Variants in MYBPC1 observed in about 807,000 individuals in gnomAD.
MYBPC1 encodes the protein myosin binding protein C1, also known as myosin-binding protein C, slow-type.
A neutral mutation model predicts 147.1 loss-of-function variants in MYBPC1; 52 were observed. The observed-to-expected ratio is 0.35, with a 90% CI of 0.28 to 0.45. The LOEUF (loss-of-function observed/expected upper bound fraction) is 0.45, where lower values mean the gene tolerates loss of function less well. MYBPC1 is among the 20% of genes least tolerant of loss of function. The probability of loss-of-function intolerance (pLI) is 1.00; values close to 1 mark genes in which losing one functional copy is unlikely to be tolerated. For synonymous variants in MYBPC1, 477 were observed against 475.9 expected (o/e 1.00, Z -0.03); for missense variants, 1,228 against 1,440.3 (o/e 0.85, Z 2.39).
chr12:101,675,724 C>A (rs1899816194), intron 26 of MYBPC1, among the ~76,000 whole-genome samples: 1 of 152,180 alleles, frequency 6.6e-6, no homozygotes, highest in South Asian at 2.1e-4. Context: ...TTGATTATTA[C>A]AAAGCTAAAA....
At position 101,678,085 on chromosome 12, in the gene MYBPC1, T is replaced by C; in HGVS notation, c.3110-17T>C. ...AATTTACATAATTTTAACATATTTGTAATGCTTGTTTTTAAGGTAAAATCT... is the reference window on the plus strand; with the variant it reads ...AATTTACATAATTTTAACATATTTGCAATGCTTGTTTTTAAGGTAAAATCT... On this transcript the variant is annotated splice_polypyrimidine_tract_variant and intron_variant, in intron 27 of 31. Transcript: ENST00000361466. The C allele has an allele frequency of 6.2e-7, 1 of 1,608,940 alleles. No individual in the cohort carries two copies. The highest frequency in any genetic ancestry group is 8.5e-7 in the Non-Finnish European group (1 of 1,175,298).
chr12:101,619,104 G>T (rs825090), intron 3 of MYBPC1, among the ~76,000 whole-genome samples: 54,244 of 151,748 alleles, frequency 0.36, 10,140 homozygotes, highest in East Asian at 0.57. Context: ...CTGCTACTTG[G>T]ATATCCCCAG....
intron 7 of MYBPC1, 131 bp downstream of exon 7, chr12:101,631,850 C>A: frequency 7.0e-7 from 1 of 1,420,970 alleles, no homozygotes; most frequent in Non-Finnish European, 9.9e-7. Flanking sequence ...ATTGCAGTGT[C>A]TACACTCTAT....
At position 101,685,640 on chromosome 12, in the gene MYBPC1, G is replaced by A. The variant is rs2764; in HGVS notation, c.*78G>A. 0.55 allele frequency: 842,235 copies of A among 1,532,276 alleles called. 234,173 individuals are homozygous for A. The highest frequency in any genetic ancestry group is 0.66 in the South Asian group (55,286 of 83,884). 94.9% of individuals were successfully genotyped at this position (1,532,276 alleles called of 1,614,324 possible). A position where few individuals can be genotyped will look rare whatever the true frequency, so the allele number is the denominator to read the frequency against. On this transcript the variant is annotated 3_prime_UTR_variant, in exon 32 of 32. Transcript: ENST00000361466. The stretch of plus-strand genomic sequence containing the variant: ...GCGTACCTCCAAACATAATTGATTC[G>A]TATCTGCGAGACTTACACTCAAGCA...
At chr12:101,657,625 C>T (rs1895764360) in intron 18 of MYBPC1, among the ~76,000 whole-genome samples, 1 of 152,126 alleles carries the variant, frequency 6.6e-6, no homozygotes, top group Admixed American at 6.5e-5. Context: ...AAGATACAAT[C>T]TTCTAAAACT....
At chr12:101,601,519 A>G (rs1349562362) in intron 1 of MYBPC1, among the ~76,000 whole-genome samples, 4 of 152,210 alleles carry the variant, frequency 2.6e-5, no homozygotes, top group Admixed American at 2.6e-4. Context: ...ATTCAATCTC[A>G]CACTTATTTC....
chr12:101,654,191 G>C (rs907151407), intron 18 of MYBPC1, among the ~76,000 whole-genome samples: 1 of 152,182 alleles, frequency 6.6e-6, no homozygotes, highest in African/African-American at 2.4e-5. Flanking sequence ...GGGTGACAGA[G>C]TGAGACTCTA....
chr12:101,652,405 A>G (rs1894662418), intron 16 of MYBPC1, among the ~76,000 whole-genome samples: 1 of 152,234 alleles, frequency 6.6e-6, no homozygotes, highest in South Asian at 2.1e-4. Flanking sequence ...ATGAGATGAA[A>G]AAAAAGAATA....
the MYBPC1 span, among the ~76,000 whole-genome samples, chr12:101,691,459 A>G: frequency 2.6e-5 from 4 of 152,192 alleles, no homozygotes; most frequent in South Asian, 8.3e-4. Flanking sequence ...TTCACACACA[A>G]CAGTGCCTAA....
intron 25 of MYBPC1, among the ~76,000 whole-genome samples, chr12:101,674,411 A>C (rs1899398851): frequency 6.6e-6 from 1 of 152,106 alleles, no homozygotes. Flanking sequence ...TGAACAGTTA[A>C]ATACTGAATT....
chr12:101,606,364 T>C (rs1207007806), intron 1 of MYBPC1, among the ~76,000 whole-genome samples: 1 of 152,136 alleles, frequency 6.6e-6, no homozygotes, highest in Non-Finnish European at 1.5e-5. Flanking sequence ...GTCTTAGCAT[T>C]ACTATTAGGA....
At chr12:101,633,520 C>T (rs545451691) in intron 8 of MYBPC1, among the ~76,000 whole-genome samples, 1 of 151,878 alleles carries the variant, frequency 6.6e-6, no homozygotes, top group Admixed American at 6.6e-5. Context: ...AACCCCGTCT[C>T]TACTAGAAAT....
intron 11 of MYBPC1, among the ~76,000 whole-genome samples, chr12:101,643,580 G>T (rs1228865404): frequency 6.6e-6 from 1 of 152,040 alleles, no homozygotes; most frequent in Non-Finnish European, 1.5e-5. Flanking sequence ...GTATAATAAG[G>T]TTGGAATGAT....
chr12:101,625,874 GA>G (rs1337425807), intron 3 of MYBPC1, among the ~76,000 whole-genome samples: 1 of 151,774 alleles, frequency 6.6e-6, no homozygotes, highest in Non-Finnish European at 1.5e-5. Context: ...TCACAAGGTC[GA>G]GAGATCGAGA....
intron 24 of MYBPC1, among the ~76,000 whole-genome samples, chr12:101,670,984 AATACAC>A (rs1594032753): frequency 1.1e-5 from 1 of 90,188 alleles, no homozygotes; most frequent in East Asian, 2.5e-4. Flanking sequence ...GTCTTATACA[AATACAC>A]ACACACACCC....
At chr12:101,645,009 CTATT>C (rs1327725116) in intron 12 of MYBPC1, among the ~76,000 whole-genome samples, 4 of 152,008 alleles carry the variant, frequency 2.6e-5, no homozygotes, top group African/African-American at 7.2e-5. Context: ...TTCTAAAAAA[CTATT>C]TAAAGTGTTT....
At position 101,653,253 on chromosome 12, in the gene MYBPC1, G is replaced by A. The variant is rs1408929270; in HGVS notation, c.1767+5G>A. Reference sequence around the variant, plus strand: ...ATGTGGAGCCGGGGAGATAAGGTTTGTTTTATGCTTGCACACACTCACATG... The same window carrying A: ...ATGTGGAGCCGGGGAGATAAGGTTTATTTTATGCTTGCACACACTCACATG... On this transcript the variant is annotated splice_donor_5th_base_variant and intron_variant, in intron 18 of 31. Transcript: ENST00000361466. The A allele has an allele frequency of 1.2e-6, 2 of 1,613,470 alleles. No individual in the cohort carries two copies. Among genetic ancestry groups the A allele is most frequent in the Admixed American group, 1.7e-5 (1 of 59,982 alleles).
At chr12:101,620,614 CCT>C (rs1887148200) in intron 3 of MYBPC1, among the ~76,000 whole-genome samples, 1 of 152,058 alleles carries the variant, frequency 6.6e-6, no homozygotes, top group South Asian at 2.1e-4. Context: ...GATCCAACAT[CCT>C]ATGTCTGAAC....
intron 15 of MYBPC1, 197 bp from the exon 16 acceptor site, chr12:101,651,034 C>T: frequency 1.6e-6 from 1 of 641,550 alleles, no homozygotes; most frequent in Admixed American, 2.8e-5. Context: ...TTTCTGCATT[C>T]ACCTAGTTTT....
Sources: gnomAD v4.1 joint callset for allele counts (sites outside exome capture counted in the v4.1 genomes callset) on GRCh38, gnomAD v4.1.1 for gene constraint, MANE v1.5 for transcripts, NCBI Gene and HGNC (gene_info 2026-07-23, HGNC 2026-07-21) for gene names.